PIK3AP1: variants seen among roughly 807,000 people sequenced by gnomAD.
PIK3AP1 encodes phosphoinositide 3-kinase adapter protein 1.
PIK3AP1 carries 21 observed loss-of-function variants against 88.1 expected under a neutral mutation model. That is an observed-to-expected ratio of 0.24 (90% CI 0.17 to 0.34). PIK3AP1 has a LOEUF of 0.34. PIK3AP1 is among the 10% of genes least tolerant of loss of function. The pLI, the probability that PIK3AP1 is intolerant of heterozygous loss-of-function variation, is 1.00. For synonymous variants in PIK3AP1, 398 were observed against 400.0 expected (o/e 1.00, Z 0.06); for missense variants, 828 against 1,035.7 (o/e 0.80, Z 2.75).
intron 8 of PIK3AP1, among the ~76,000 whole-genome samples, chr10:96,644,141 G>GA (rs1053832288): frequency 3.3e-5 from 5 of 152,284 alleles, no homozygotes; most frequent in Admixed American, 1.3e-4. Flanking sequence ...GGGGCGTTTG[G>GA]AAAATCTATG....
At position 96,602,270 on chromosome 10, in the gene PIK3AP1, T is replaced by C. The variant is rs1429827860; in HGVS notation, c.2360+10A>G. The C allele has an allele frequency of 6.3e-7, 1 of 1,586,342 alleles. No individual in the cohort carries two copies. Among genetic ancestry groups the C allele is most frequent in the Admixed American group, 1.7e-5 (1 of 57,460 alleles). ...ATAAGGGAAAAATTTCATATCAGTT[T>C]TGATGTTACCTCTGTGAGGCAGCTC... On this transcript the variant is annotated intron_variant, in intron 16 of 16. Coordinates refer to ENST00000339364, the MANE Select transcript of PIK3AP1 (RefSeq NM_152309.3).
In PIK3AP1 at chr10:96,712,494, AT is replaced by A. The variant is rs111779755; in HGVS notation, c.14-2512del. On this transcript the variant is annotated intron_variant, in intron 1 of 16. Transcript: ENST00000339364. Reference sequence around the variant, plus strand: ...ATAAATAAAAATCTTTGCTGCTTGGATTTTTTTTTTCTGTGTAGAATATTTC... The same window carrying A: ...ATAAATAAAAATCTTTGCTGCTTGGATTTTTTTTTCTGTGTAGAATATTTC... Among the ~76,000 whole-genome samples, 25 of 151,068 alleles carry A rather than the reference AT, an allele frequency of 1.7e-4. No homozygotes were observed. In the East Asian group the frequency reaches 1.7e-3, roughly 11 times the overall value.
At chr10:96,613,310 C>T (rs1268488015) in intron 13 of PIK3AP1, among the ~76,000 whole-genome samples, 2 of 151,930 alleles carry the variant, frequency 1.3e-5, no homozygotes, top group Admixed American at 1.3e-4. Context: ...GAATTATGCA[C>T]TTAAAAATGG....
rs533427741 is a variant in PIK3AP1, at chr10:96,714,182, A to G, written c.14-4199T>C. On this transcript the variant is annotated intron_variant, in intron 1 of 16. Coordinates refer to ENST00000339364, the MANE Select transcript of PIK3AP1 (RefSeq NM_152309.3). Reference sequence around the variant, plus strand: ...ACAGCGAAACTCCGTCTCAAAAAAAAAAAAGACTCCAAGTCATCAAGGAAA... The same window carrying G: ...ACAGCGAAACTCCGTCTCAAAAAAAGAAAAGACTCCAAGTCATCAAGGAAA... 1.1e-4 allele frequency among the ~76,000 whole-genome samples: 17 copies of G among 152,320 alleles called. No individual in the cohort carries two copies. In the South Asian group the frequency reaches 3.5e-3, roughly 32 times the overall value.
intron 2 of PIK3AP1, among the ~76,000 whole-genome samples, chr10:96,657,307 G>C (rs1423417351): frequency 6.6e-6 from 1 of 152,168 alleles, no homozygotes; most frequent in Non-Finnish European, 1.5e-5. Flanking sequence ...TTCAAGTAGG[G>C]ACTGTCCACT....
chr10:96,603,918 T>C (rs1848953174), intron 15 of PIK3AP1, 61 bp downstream of exon 15: 1 of 1,422,698 alleles, frequency 7.0e-7, no homozygotes, highest in Admixed American at 2.3e-5. Context: ...CCTGGGTTTC[T>C]ATCTCTTGCG....
At chr10:96,668,671 C>T (rs1025040048) in intron 2 of PIK3AP1, among the ~76,000 whole-genome samples, 2 of 152,008 alleles carry the variant, frequency 1.3e-5, no homozygotes, top group Non-Finnish European at 2.9e-5. Context: ...AGGGGGGTAT[C>T]GTGGTTCATG....
chr10:96,693,386 C>T (rs976293364), intron 2 of PIK3AP1, among the ~76,000 whole-genome samples: 6 of 151,860 alleles, frequency 4.0e-5, no homozygotes, highest in East Asian at 3.9e-4. Flanking sequence ...GATGGACAGA[C>T]GGATGGATAA....
In PIK3AP1 at chr10:96,593,948, A is replaced by G. The variant is rs1403815967; in HGVS notation, c.*1629T>C. The G allele has an allele frequency of 6.6e-6, 1 of 152,208 alleles. No individual in the cohort carries two copies. Among genetic ancestry groups the G allele is most frequent in the Non-Finnish European group, 1.5e-5 (1 of 68,040 alleles). The allele number at this position is 152,208 out of a possible 1,614,324, so 9.4% of individuals were successfully genotyped here. The stretch of plus-strand genomic sequence containing the variant: ...TTAGAAAAGGACCCAATAAAACTAT[A>G]CTTAAATGGATCATTAATGTGGATT... On this transcript the variant is annotated 3_prime_UTR_variant, in exon 17 of 17. Transcript: ENST00000339364.
intron 7 of PIK3AP1, among the ~76,000 whole-genome samples, chr10:96,646,161 G>A (rs1385721869): frequency 2.0e-5 from 3 of 152,042 alleles, no homozygotes; most frequent in South Asian, 2.1e-4. Flanking sequence ...TCGGGAGGCC[G>A]AGGCATGAGA....
chr10:96,668,773 G>A (rs1220520143), intron 2 of PIK3AP1, among the ~76,000 whole-genome samples: 1 of 152,194 alleles, frequency 6.6e-6, no homozygotes, highest in African/African-American at 2.4e-5. Flanking sequence ...AAGTATTGGG[G>A]TTCACAGAAG....
chr10:96,720,417 C>G lies in PIK3AP1; in HGVS notation c.-23G>C. ...CATGCCGCGGGGCGCCGCTCACATC[C>G]CTGGCTCGCTGCGTGCCCGGGGCCG... On this transcript the variant is annotated 5_prime_UTR_variant, in exon 1 of 17. Transcript: ENST00000339364. The surrounding 1 kb of genome is among the most constrained non-coding windows in gnomAD (Gnocchi z 4.6). 1 of 1,235,482 alleles carries G rather than the reference C, an allele frequency of 8.1e-7. No homozygotes were observed. Among genetic ancestry groups the G allele is most frequent in the East Asian group, 3.2e-5 (1 of 31,544 alleles). The allele number at this position is 1,235,482 out of a possible 1,614,324, so 76.5% of individuals were successfully genotyped here. A position where few individuals can be genotyped will look rare whatever the true frequency, so the allele number is the denominator to read the frequency against.
intron 14 of PIK3AP1, among the ~76,000 whole-genome samples, chr10:96,606,648 G>T (rs939101693): frequency 6.6e-6 from 1 of 152,186 alleles, no homozygotes; most frequent in Non-Finnish European, 1.5e-5. Flanking sequence ...CAGGGGGAAG[G>T]GGGGCAGTGC....
At chr10:96,685,517 G>C (rs1844056661) in intron 2 of PIK3AP1, among the ~76,000 whole-genome samples, 1 of 152,246 alleles carries the variant, frequency 6.6e-6, no homozygotes, top group African/African-American at 2.4e-5. Context: ...GGCAAGGAAA[G>C]AGGGGAGATG....
chr10:96,663,627 C>CAAA lies in PIK3AP1; in HGVS notation c.431-6696_431-6694dup, dbSNP rs373081849. 3.0e-3 allele frequency among the ~76,000 whole-genome samples: 129 copies of CAAA among 42,964 alleles called. 5 individuals carry two copies. Among genetic ancestry groups the CAAA allele is most frequent in the East Asian group, 0.012 (14 of 1,206 alleles). 28.2% of individuals were successfully genotyped at this position (42,964 alleles called of 152,430 possible). On this transcript the variant is annotated intron_variant, in intron 2 of 16. Transcript: ENST00000339364. ...CCTGGGCAACAGAGTGAGACTCCGT[C>CAAA]AAAAAAAAAAAAAAAAAAAAAAAAA...
At chr10:96,716,661 T>C (rs778509854) in intron 1 of PIK3AP1, among the ~76,000 whole-genome samples, 1 of 152,268 alleles carries the variant, frequency 6.6e-6, no homozygotes, top group Non-Finnish European at 1.5e-5. Context: ...GGGAAACTCC[T>C]TTCTTCAGCA....
chr10:96,694,380 C>T (rs182504200), intron 2 of PIK3AP1, among the ~76,000 whole-genome samples: 130 of 152,180 alleles, frequency 8.5e-4, no homozygotes, highest in Non-Finnish European at 1.6e-3. Flanking sequence ...ATGCCACTAA[C>T]TGTGTAATAC....
At chr10:96,612,260 C>T (rs983202117) in intron 13 of PIK3AP1, among the ~76,000 whole-genome samples, 1 of 152,196 alleles carries the variant, frequency 6.6e-6, no homozygotes, top group African/African-American at 2.4e-5. Context: ...GGCCATGGCT[C>T]TCACCAGCCC....
At chr10:96,653,474 A>G (rs1202056366) in intron 3 of PIK3AP1, among the ~76,000 whole-genome samples, 2 of 131,666 alleles carry the variant, frequency 1.5e-5, no homozygotes, top group African/African-American at 2.8e-5. Context: ...CCGATACTTT[A>G]TACACTTTTT....
Sources: allele counts gnomAD v4.1 joint callset (sites outside exome capture counted in the v4.1 genomes callset), GRCh38; gene constraint gnomAD v4.1.1; non-coding constraint Gnocchi (gnomAD v3.1); transcripts MANE v1.5; gene names NCBI Gene and HGNC (gene_info 2026-07-23, HGNC 2026-07-21).